ACVR1: variants seen among roughly 807,000 people sequenced by gnomAD.
ACVR1 encodes activin A receptor type 1, also known as activin receptor type-1.
Under a neutral mutation model 57.1 loss-of-function variants are expected in ACVR1, and 38 were observed. That is an observed-to-expected ratio of 0.67 (90% CI 0.51 to 0.87). ACVR1 has a LOEUF of 0.87. Ranked by LOEUF, ACVR1 falls within the 40% of genes least tolerant of loss-of-function variation. The pLI is 0.00. For missense variants in ACVR1, 463 were observed against 638.2 expected (o/e 0.73, Z 2.96); for synonymous variants, 212 against 228.1 (o/e 0.93, Z 0.63).
chr2:157,804,258 A>G (rs1471391357), intron 2 of ACVR1, among the ~76,000 whole-genome samples: 2 of 152,224 alleles, frequency 1.3e-5, no homozygotes, highest in African/African-American at 4.8e-5. Context: ...TAGACTGAGC[A>G]CTTAGCGGAT....
Position 157,774,072 on chromosome 2 carries a change from G to T in ACVR1, c.643+16C>A. 6.2e-7 allele frequency: 1 copy of T among 1,605,962 alleles called. No individual in the cohort carries two copies. The highest frequency in any genetic ancestry group is 1.1e-5 in the South Asian group (1 of 90,874). On this transcript the variant is annotated intron_variant, in intron 6 of 10. Transcript: ENST00000434821. ...CATTGCATATTACCCACAAAGAAAG[G>T]AAAAAAAAGAATTACCGACACACTC...
At chr2:157,785,380 G>A (rs147748069) in intron 3 of ACVR1, among the ~76,000 whole-genome samples, 40 of 152,258 alleles carry the variant, frequency 2.6e-4, no homozygotes, top group Middle Eastern at 6.8e-3. Flanking sequence ...TCCTTCCATC[G>A]TCTCCTAATC....
chr2:157,766,468 C>G lies in ACVR1; in HGVS notation c.791-272G>C, dbSNP rs114087983. ...TTTACATTCCTTAAGTTTCAGATAG[C>G]AATAATATCTTTGTGCTCACCCATA... On this transcript the variant is annotated intron_variant, in intron 7 of 10. Transcript: ENST00000434821. Among the ~76,000 whole-genome samples, 1,416 of 152,198 alleles carry G rather than the reference C, an allele frequency of 9.3e-3. 26 individuals carry two copies. The highest frequency in any genetic ancestry group is 0.032 in the African/African-American group (1,327 of 41,512).
At chr2:157,870,063 A>T (rs1690066384) in intron 1 of ACVR1, among the ~76,000 whole-genome samples, 1 of 152,240 alleles carries the variant, frequency 6.6e-6, no homozygotes, top group South Asian at 2.1e-4. Flanking sequence ...TAGCTGCAAT[A>T]GTGGAAGTTT....
At chr2:157,758,064 A>G (rs1349632876) in intron 9 of ACVR1, among the ~76,000 whole-genome samples, 2 of 152,028 alleles carry the variant, frequency 1.3e-5, no homozygotes, top group African/African-American at 4.8e-5. Flanking sequence ...ACAAGACCCA[A>G]CTACATGATG....
intron 1 of ACVR1, among the ~76,000 whole-genome samples, chr2:157,826,950 A>G (rs1688407585): frequency 1.3e-5 from 2 of 150,878 alleles, no homozygotes; most frequent in East Asian, 3.9e-4. Flanking sequence ...AGAAACAGAG[A>G]GAAAGAGAAA....
At chr2:157,771,286 T>C (rs914625994) in intron 6 of ACVR1, among the ~76,000 whole-genome samples, 2 of 152,214 alleles carry the variant, frequency 1.3e-5, no homozygotes, top group Non-Finnish European at 2.9e-5. Context: ...AAAAGGCTAC[T>C]TGGAGAATAC....
chr2:157,768,667 C>G (rs1434194315), intron 7 of ACVR1, among the ~76,000 whole-genome samples: 1 of 152,098 alleles, frequency 6.6e-6, no homozygotes, highest in Non-Finnish European at 1.5e-5. Flanking sequence ...TATATAACTA[C>G]CTTTGCTTCA....
At chr2:157,796,348 C>T (rs1357489800) in intron 3 of ACVR1, among the ~76,000 whole-genome samples, 5 of 151,858 alleles carry the variant, frequency 3.3e-5, no homozygotes, top group South Asian at 2.1e-4. Context: ...GCTCAGGAGT[C>T]GGAGACCAGC....
At chr2:157,752,044 G>A (rs568152094) in intron 9 of ACVR1, among the ~76,000 whole-genome samples, 1 of 152,246 alleles carries the variant, frequency 6.6e-6, no homozygotes, top group East Asian at 1.9e-4. Flanking sequence ...GACCCTCACA[G>A]AGTCCATTTC....
intron 1 of ACVR1, among the ~76,000 whole-genome samples, chr2:157,835,443 T>C (rs534315834): frequency 6.4e-4 from 98 of 152,382 alleles, no homozygotes; most frequent in African/African-American, 2.3e-3. Flanking sequence ...GTTATTAATA[T>C]TATTGATGCT....
intron 3 of ACVR1, among the ~76,000 whole-genome samples, chr2:157,794,454 G>T (rs1396903545): frequency 6.6e-6 from 1 of 152,102 alleles, no homozygotes; most frequent in African/African-American, 2.4e-5. Flanking sequence ...AAACAGACTG[G>T]ATCGAGCTGG....
chr2:157,740,107 C>T (rs1387375163), intron 9 of ACVR1, among the ~76,000 whole-genome samples: 3 of 151,860 alleles, frequency 2.0e-5, no homozygotes, highest in Non-Finnish European at 4.4e-5. Flanking sequence ...TTTGCTTGAA[C>T]CCGGGAGGTG....
chr2:157,832,324 C>T (rs1340068456), intron 1 of ACVR1, among the ~76,000 whole-genome samples: 2 of 152,142 alleles, frequency 1.3e-5, no homozygotes, highest in East Asian at 1.9e-4. Context: ...TAAAATGAAA[C>T]AGCCTCTACC....
intron 1 of ACVR1, among the ~76,000 whole-genome samples, chr2:157,851,856 A>AAC: frequency 1.0e-5 from 1 of 99,114 alleles, no homozygotes; most frequent in African/African-American, 4.1e-5. Flanking sequence ...GAGACAGAGA[A>AAC]ACACACACAC....
At chr2:157,774,532 T>C (rs1455338754) in intron 5 of ACVR1, among the ~76,000 whole-genome samples, 3 of 151,578 alleles carry the variant, frequency 2.0e-5, no homozygotes, top group African/African-American at 7.3e-5. Context: ...GCCCGGCTAA[T>C]TTTGTATTTT....
At chr2:157,808,878 T>TA (rs1166423676) in intron 2 of ACVR1, among the ~76,000 whole-genome samples, 16 of 84,782 alleles carry the variant, frequency 1.9e-4, no homozygotes, top group Middle Eastern at 7.0e-3. Context: ...AGTAATACAT[T>TA]TAAAAAAAAA....
chr2:157,851,907 A>ACACACACACCAC (rs1553514199), intron 1 of ACVR1, among the ~76,000 whole-genome samples: 1 of 11,696 alleles, frequency 8.5e-5, no homozygotes, highest in African/African-American at 1.8e-4. Flanking sequence ...ACACACACAC[A>ACACACACACCAC]CACCACCCCC....
At chr2:157,740,832 G>A (rs1229853155) in intron 9 of ACVR1, among the ~76,000 whole-genome samples, 1 of 152,134 alleles carries the variant, frequency 6.6e-6, no homozygotes, top group East Asian at 1.9e-4. Context: ...TTAATAAAAG[G>A]AGTCAAGTAT....
Sources: gnomAD v4.1 joint callset for allele counts (sites outside exome capture counted in the v4.1 genomes callset) on GRCh38, gnomAD v4.1.1 for gene constraint, MANE v1.5 for transcripts, NCBI Gene and HGNC (gene_info 2026-07-23, HGNC 2026-07-21) for gene names.